PTPRT: variants seen among roughly 807,000 people sequenced by gnomAD.
PTPRT encodes receptor-type tyrosine-protein phosphatase T.
PTPRT carries 56 observed loss-of-function variants against 176.8 expected under a neutral mutation model. The observed-to-expected ratio is 0.32, with a 90% CI of 0.26 to 0.40. The LOEUF is 0.40. Among genes scored for constraint, PTPRT ranks in the 10% least tolerant of loss-of-function variants. The pLI is 1.00. For missense variants in PTPRT, 1,540 were observed against 1,908.2 expected (o/e 0.81, Z 3.60); for synonymous variants, 783 against 739.0 (o/e 1.06, Z -0.96).
chr20:42,641,921 G>A (rs1412776292), intron 7 of PTPRT, among the ~76,000 whole-genome samples: 1 of 152,138 alleles, frequency 6.6e-6, no homozygotes, highest in African/African-American at 2.4e-5. Flanking sequence ...AAGCGTCTTA[G>A]AGTGCCCTCT....
chr20:42,275,160 C>T (rs912028814), intron 13 of PTPRT, among the ~76,000 whole-genome samples: 3 of 152,234 alleles, frequency 2.0e-5, no homozygotes, highest in African/African-American at 4.8e-5. Context: ...GCACACAAAG[C>T]CCTGTGACTG....
At chr20:42,859,548 G>A (rs573900300) in intron 2 of PTPRT, among the ~76,000 whole-genome samples, 1 of 149,518 alleles carries the variant, frequency 6.7e-6, no homozygotes, top group Non-Finnish European at 1.5e-5. Flanking sequence ...CACATATAAT[G>A]CACATATCTG....
At chr20:42,642,556 C>CTG (rs1164240859) in intron 7 of PTPRT, among the ~76,000 whole-genome samples, 4 of 152,132 alleles carry the variant, frequency 2.6e-5, no homozygotes, top group Non-Finnish European at 5.9e-5. Flanking sequence ...AAACTAAGGA[C>CTG]TGTATGTACA....
chr20:42,182,175 G>A (rs1245305266), intron 16 of PTPRT, among the ~76,000 whole-genome samples: 1 of 152,166 alleles, frequency 6.6e-6, no homozygotes, highest in African/African-American at 2.4e-5. Context: ...CAGAAGTCAT[G>A]TCATTCTGAG....
At chr20:43,136,121 G>A (rs1433462935) in intron 1 of PTPRT, among the ~76,000 whole-genome samples, 1 of 152,132 alleles carries the variant, frequency 6.6e-6, no homozygotes, top group Non-Finnish European at 1.5e-5. Context: ...ATCACCTGTT[G>A]CTATGGCTCA....
At chr20:43,006,359 G>C (rs910503552) in intron 1 of PTPRT, among the ~76,000 whole-genome samples, 1 of 152,164 alleles carries the variant, frequency 6.6e-6, no homozygotes, top group African/African-American at 2.4e-5. Context: ...AACATGTGAA[G>C]CATATGTTAA....
In PTPRT at chr20:42,977,894, G is replaced by A. The variant is rs1479699164; in HGVS notation, c.89-91962C>T. On this transcript the variant is annotated intron_variant, in intron 1 of 30. Transcript: ENST00000373187. ...ATTGTTTCCCTAAACTAATAAATTC[G>A]TGGGAATGGAATTATAATAGTCCTC... Among the ~76,000 whole-genome samples, 5 of 152,176 alleles carry A rather than the reference G, an allele frequency of 3.3e-5. No homozygotes were observed. The South Asian group carries it at 8.3e-4, about 25-fold the overall frequency.
intron 1 of PTPRT, among the ~76,000 whole-genome samples, chr20:43,173,885 C>T (rs559134965): frequency 6.6e-6 from 1 of 152,154 alleles, no homozygotes; most frequent in African/African-American, 2.4e-5. Flanking sequence ...TTCTAACATT[C>T]GACATCACAT....
chr20:42,900,357 T>A (rs1462508723), intron 1 of PTPRT, among the ~76,000 whole-genome samples: 1 of 152,190 alleles, frequency 6.6e-6, no homozygotes, highest in Non-Finnish European at 1.5e-5. Context: ...TGCTATCTCT[T>A]GAGTGGTCCC....
chr20:42,758,433 C>T (rs1200505908), intron 5 of PTPRT, among the ~76,000 whole-genome samples: 2 of 152,092 alleles, frequency 1.3e-5, no homozygotes, highest in Non-Finnish European at 2.9e-5. Flanking sequence ...TCATGAAGGC[C>T]AGAAACCCAG....
In PTPRT at chr20:42,161,518, G is replaced by A. The variant is rs781621750; in HGVS notation, c.2516C>T (p.Ser839Phe). 1.2e-6 allele frequency: 2 copies of A among 1,611,944 alleles called. No individual in the cohort carries two copies. Among genetic ancestry groups the A allele is most frequent in the Non-Finnish European group, 1.7e-6 (2 of 1,178,856 alleles). ...GFTDGSRGELSQPTLTIQTHP... is the reference protein window; with the variant it reads ...GFTDGSRGELFQPTLTIQTHP... ...AGTCTGGATCGTGAGGGTGGGCTGG[G>A]AAAGCTCCCCGCGGCTGCCATCTGC... The change falls in exon 17 of 31, where the codon TCC (serine) becomes TTC (phenylalanine). Residue 839 changes from serine (S) to phenylalanine (F), a missense_variant. This residue lies in a region of PTPRT where 255 missense variants were observed against 250.1 expected (regional missense o/e 1.02). Transcript: ENST00000373187.
intron 8 of PTPRT, among the ~76,000 whole-genome samples, chr20:42,453,837 A>AT (rs11482073): frequency 0.46 from 64,835 of 140,950 alleles, 15,510 homozygotes; most frequent in Middle Eastern, 0.63. Flanking sequence ...CGCCCGGCTA[A>AT]TTTTTTTTTT....
intron 7 of PTPRT, among the ~76,000 whole-genome samples, chr20:42,495,049 C>T (rs1412255124): frequency 6.6e-6 from 1 of 152,162 alleles, no homozygotes; most frequent in Non-Finnish European, 1.5e-5. Context: ...TATTTGCCTA[C>T]ATTTCTTGTC....
At chr20:42,971,830 A>G (rs1011104629) in intron 1 of PTPRT, among the ~76,000 whole-genome samples, 2 of 152,036 alleles carry the variant, frequency 1.3e-5, no homozygotes, top group African/African-American at 4.8e-5. Context: ...TGATTCATTC[A>G]TTTCTAGAAC....
intron 1 of PTPRT, among the ~76,000 whole-genome samples, chr20:43,038,038 C>T (rs1986453357): frequency 6.6e-6 from 1 of 151,918 alleles, no homozygotes; most frequent in African/African-American, 2.4e-5. Context: ...TCTGTGGCTA[C>T]ACCTGACCTG....
At chr20:42,268,754 T>A (rs1221652867) in intron 13 of PTPRT, among the ~76,000 whole-genome samples, 1 of 152,214 alleles carries the variant, frequency 6.6e-6, no homozygotes, top group African/African-American at 2.4e-5. Flanking sequence ...TCCTGTGGTG[T>A]TGGCAGTGAC....
At chr20:42,908,045 A>G (rs1364935351) in intron 1 of PTPRT, among the ~76,000 whole-genome samples, 2 of 152,132 alleles carry the variant, frequency 1.3e-5, no homozygotes, top group Admixed American at 1.3e-4. Context: ...CTGGTGGCAG[A>G]GTAGCCCCCC....
chr20:42,964,971 A>G (rs959319319), intron 1 of PTPRT, among the ~76,000 whole-genome samples: 1 of 152,242 alleles, frequency 6.6e-6, no homozygotes, highest in Non-Finnish European at 1.5e-5. Context: ...TAGTTCAATT[A>G]TTATTTTAAA....
intron 1 of PTPRT, among the ~76,000 whole-genome samples, chr20:43,145,464 A>G (rs1328805211): frequency 6.6e-6 from 1 of 152,220 alleles, no homozygotes; most frequent in African/African-American, 2.4e-5. Flanking sequence ...AGATGCACAC[A>G]TAATTTCCCC....
Sources: gnomAD v4.1 joint callset for allele counts (sites outside exome capture counted in the v4.1 genomes callset) on GRCh38, gnomAD v4.1.1 for gene constraint, gnomAD v4.1.1 regional missense constraint, MANE v1.5 for transcripts, NCBI Gene and HGNC (gene_info 2026-07-23, HGNC 2026-07-21) for gene names.